The following TANGO6 variants were observed in gnomAD, a reference collection of about 807,000 sequenced individuals.
The protein encoded by TANGO6 is transport and Golgi organization protein 6 homolog.
TANGO6 carries 90 observed loss-of-function variants against 114.2 expected under a neutral mutation model. That is an observed-to-expected ratio of 0.79 (90% CI 0.66 to 0.94). The LOEUF (loss-of-function observed/expected upper bound fraction) is 0.94. TANGO6 is among the 40% of genes least tolerant of loss of function. TANGO6 has a pLI of 0.00. For missense variants in TANGO6, 1,274 were observed against 1,315.3 expected (o/e 0.97, Z 0.49); for synonymous variants, 477 against 509.8 (o/e 0.94, Z 0.87).
intron 11 of TANGO6, among the ~76,000 whole-genome samples, chr16:68,910,514 C>T (rs1019776574): frequency 3.3e-5 from 5 of 152,076 alleles, no homozygotes; most frequent in Non-Finnish European, 2.9e-5. Context: ...TCCCTTTACT[C>T]CTAATTAAGG....
chr16:68,892,654 A>G (rs551246138), intron 7 of TANGO6, among the ~76,000 whole-genome samples: 1 of 152,012 alleles, frequency 6.6e-6, no homozygotes, highest in East Asian at 1.9e-4. Context: ...AACTGGGATT[A>G]TAGGCACCCA....
At chr16:69,020,468 C>T (rs1011176000) in intron 15 of TANGO6, among the ~76,000 whole-genome samples, 25 of 152,082 alleles carry the variant, frequency 1.6e-4, no homozygotes, top group African/African-American at 5.8e-4. Flanking sequence ...TAAGTCAAAG[C>T]GACTTAAGCA....
At chr16:68,990,015 T>G (rs1963933444) in intron 15 of TANGO6, among the ~76,000 whole-genome samples, 1 of 152,212 alleles carries the variant, frequency 6.6e-6, no homozygotes, top group Admixed American at 6.5e-5. Context: ...AGATGAAATC[T>G]TATTCTCTCT....
intron 5 of TANGO6, among the ~76,000 whole-genome samples, chr16:68,875,820 T>A: frequency 6.6e-6 from 1 of 152,114 alleles, no homozygotes; most frequent in East Asian, 1.9e-4. Flanking sequence ...TTGCCCAGCT[T>A]GCTCTCAGAG....
rs768628995 is a variant in TANGO6 at position 68,860,167 on chromosome 16, G to A, written c.378G>A (p.Pro126=). The A allele has an allele frequency of 8.1e-6, 13 of 1,613,830 alleles. No individual in the cohort carries two copies. Among genetic ancestry groups the A allele is most frequent in the South Asian group, 3.3e-5 (3 of 91,080 alleles). ...FNPGKPNPRT[P]EVAPALSPDA... is the part of the protein sequence containing the mutation. ...CAGGTAAACCCAACCCTAGGACTCC[G>A]GAAGTTGCTCCTGCCCTGAGCCCCG... The change falls in exon 2 of 18, where the codon CCG becomes CCA. Residue 126 remains proline, a synonymous_variant. Transcript: ENST00000261778.
In TANGO6 at chr16:68,878,212, C is replaced by A; in HGVS notation, c.1226C>A (p.Pro409Gln). 6.2e-7 allele frequency: 1 copy of A among 1,613,214 alleles called. No homozygotes were observed. The highest frequency in any genetic ancestry group is 1.1e-5 in the South Asian group (1 of 90,828). The change falls in exon 6 of 18, where the codon CCA becomes CAA. Residue 409 changes from proline (P) to glutamine (Q), a missense_variant. Coordinates refer to ENST00000261778, the MANE Select transcript of TANGO6 (RefSeq NM_024562.2). Reference protein sequence around the residue: ...TTFITLSRERPHLAAKYLLQP... With the variant: ...TTFITLSRERQHLAAKYLLQP... ...TTTATAACTTTGTCAAGAGAACGCC[C>A]ACATTTGGCAGCAAAGTATTTGCTC...
chr16:68,878,616 A>T (rs1399436535), intron 6 of TANGO6, among the ~76,000 whole-genome samples: 1 of 149,838 alleles, frequency 6.7e-6, no homozygotes, highest in African/African-American at 2.5e-5. Context: ...TGCATCCCCA[A>T]AGAAAAATGT....
chr16:68,898,622 G>T (rs974716170), intron 7 of TANGO6, among the ~76,000 whole-genome samples: 2 of 152,082 alleles, frequency 1.3e-5, no homozygotes, highest in Admixed American at 6.6e-5. Context: ...TTACAGGTGT[G>T]AGCCATCACA....
intron 17 of TANGO6, among the ~76,000 whole-genome samples, chr16:69,080,839 G>T (rs756389141): frequency 6.6e-5 from 10 of 152,076 alleles, no homozygotes; most frequent in Non-Finnish European, 1.2e-4. Flanking sequence ...ATAAGATGGG[G>T]CTAATAACCT....
intron 17 of TANGO6, among the ~76,000 whole-genome samples, chr16:69,062,580 C>G (rs1293111945): frequency 6.6e-6 from 1 of 151,686 alleles, no homozygotes; most frequent in African/African-American, 2.4e-5. Context: ...TCAAGCGATT[C>G]TCCTGCCTCA....
intron 1 of TANGO6, among the ~76,000 whole-genome samples, chr16:68,855,538 C>T (rs576421572): frequency 2.0e-5 from 3 of 151,374 alleles, no homozygotes; most frequent in East Asian, 2.0e-4. Context: ...GCCAAGATTG[C>T]ACCACTGCAC....
chr16:69,066,226 TCTC>T (rs1960211280), intron 17 of TANGO6, among the ~76,000 whole-genome samples: 1 of 152,212 alleles, frequency 6.6e-6, no homozygotes. Context: ...GCCTTTGGCT[TCTC>T]CTCTCTAGTC....
intron 1 of TANGO6, chr16:68,846,667 C>CTTTT (rs1260147357): frequency 3.2e-5 from 4 of 124,898 alleles, no homozygotes; most frequent in Non-Finnish European, 6.8e-5. Flanking sequence ...GGCTAATTTT[C>CTTTT]TTTTTTTTTT....
chr16:68,957,250 G>C (rs1963540216), intron 14 of TANGO6, among the ~76,000 whole-genome samples: 1 of 151,952 alleles, frequency 6.6e-6, no homozygotes, highest in South Asian at 2.1e-4. Flanking sequence ...TGATAATGTA[G>C]TCATTATCAC....
rs1567527309 is a variant in TANGO6 at position 68,867,132 on chromosome 16, G to A, written c.906G>A (p.Arg302=). The change falls in exon 4 of 18, where the codon CGG becomes CGA. Residue 302 remains arginine, a synonymous_variant. Coordinates refer to ENST00000261778, the MANE Select transcript of TANGO6 (RefSeq NM_024562.2). The part of the protein sequence containing the change: ...QMRCRAPAWL[R]RLCGQLLSER... The stretch of plus-strand genomic sequence containing the variant: ...GGTGTCGGGCCCCAGCTTGGCTTCG[G>A]CGTCTATGTGGACAGCTGCTCTCTG... 6.2e-7 allele frequency: 1 copy of A among 1,613,888 alleles called. No individual in the cohort carries two copies. The highest frequency in any genetic ancestry group is 8.5e-7 in the Non-Finnish European group (1 of 1,179,884).
chr16:69,005,357 AAGGAAGTGGCCTTCC>A (rs1597054938), intron 15 of TANGO6, among the ~76,000 whole-genome samples: 2 of 152,236 alleles, frequency 1.3e-5, no homozygotes, highest in African/African-American at 4.8e-5. Flanking sequence ...GTGGGCTACT[AAGGAAGTGGCCTTCC>A]AGGTGTGCTC....
At chr16:68,918,499 G>A (rs1343335211) in intron 11 of TANGO6, among the ~76,000 whole-genome samples, 1 of 152,066 alleles carries the variant, frequency 6.6e-6, no homozygotes, top group African/African-American at 2.4e-5. Context: ...ATTTTGCATT[G>A]CAGTCCGTGA....
intron 17 of TANGO6, among the ~76,000 whole-genome samples, chr16:69,073,060 A>T (rs1207861422): frequency 2.3e-5 from 3 of 131,432 alleles, no homozygotes; most frequent in South Asian, 2.3e-4. Context: ...GACCTTCTTT[A>T]AAAAAAAAAA....
At chr16:68,857,453 G>GT (rs1455236252) in intron 1 of TANGO6, among the ~76,000 whole-genome samples, 4 of 151,380 alleles carry the variant, frequency 2.6e-5, no homozygotes, top group African/African-American at 7.3e-5. Flanking sequence ...GTTGCTCCCA[G>GT]TTTTTTGGTA....
Sources: allele counts gnomAD v4.1 joint callset (sites outside exome capture counted in the v4.1 genomes callset), GRCh38; gene constraint gnomAD v4.1.1; transcripts MANE v1.5; gene names NCBI Gene and HGNC (gene_info 2026-07-23, HGNC 2026-07-21).